The following KCND2 variants were observed in gnomAD, a reference collection of about 807,000 sequenced individuals.
KCND2 encodes the protein A-type voltage-gated potassium channel KCND2.
Under a neutral mutation model 54.4 loss-of-function variants are expected in KCND2, and 16 were observed. That is an observed-to-expected ratio of 0.29 (90% CI 0.20 to 0.45). KCND2 has a LOEUF of 0.45. Among genes scored for constraint, KCND2 ranks in the 20% least tolerant of loss-of-function variants. The pLI, the probability that KCND2 is intolerant of heterozygous loss-of-function variation, is 1.00. For missense variants in KCND2, 486 were observed against 824.2 expected, an observed-to-expected ratio of 0.59 and a Z score of 5.02; for synonymous variants, 317 against 310.7, an observed-to-expected ratio of 1.02 and a Z score of -0.21.
At chr7:120,718,273 C>T (rs1253667888) in intron 1 of KCND2, among the ~76,000 whole-genome samples, 1 of 152,142 alleles carries the variant, frequency 6.6e-6, no homozygotes, top group Non-Finnish European at 1.5e-5. Context: ...TTAACCTTTC[C>T]AAAGTGAGTT....
intron 1 of KCND2, among the ~76,000 whole-genome samples, chr7:120,304,581 A>G (rs1193487757): frequency 1.3e-5 from 2 of 152,200 alleles, no homozygotes; most frequent in African/African-American, 4.8e-5. Flanking sequence ...TCTTCGTTTT[A>G]ACGTGTACTC....
intron 1 of KCND2, among the ~76,000 whole-genome samples, chr7:120,315,807 TGTGTGTGTG>T (rs1799804413): frequency 1.1e-5 from 1 of 92,722 alleles, no homozygotes; most frequent in South Asian, 4.6e-4. Context: ...TGTGTGTGTG[TGTGTGTGTG>T]TAATATTTGA....
In KCND2 at chr7:120,740,789, G is replaced by A. The variant is rs138755440; in HGVS notation, c.1279-745G>A. The A allele has an allele frequency of 1.5e-3, 676 of 452,072 alleles. 3 individuals carry two copies. The highest frequency in any genetic ancestry group is 0.013 in the African/African-American group (653 of 49,814). The allele number at this position is 452,072 out of a possible 1,614,324, so 28.0% of individuals were successfully genotyped here. A position where few individuals can be genotyped will look rare whatever the true frequency, so the allele number is the denominator to read the frequency against. ...AACAATGTTTAAATCTCTCTGGATA[G>A]GCTTACTATGTTCTTCATTTCAGCC... On this transcript the variant is annotated intron_variant, in intron 2 of 5. Transcript: ENST00000331113.
intron 1 of KCND2, among the ~76,000 whole-genome samples, chr7:120,441,201 A>C (rs1022385403): frequency 6.6e-6 from 1 of 152,076 alleles, no homozygotes; most frequent in African/African-American, 2.4e-5. Flanking sequence ...TTGCATCCTG[A>C]ATTTTTCTTT....
chr7:120,419,336 C>T (rs1260853440), intron 1 of KCND2, among the ~76,000 whole-genome samples: 1 of 151,990 alleles, frequency 6.6e-6, no homozygotes. Flanking sequence ...ATTGCTTTTG[C>T]ATTTAAAAAA....
At chr7:120,422,628 T>C (rs1025370716) in intron 1 of KCND2, among the ~76,000 whole-genome samples, 6 of 152,190 alleles carry the variant, frequency 3.9e-5, no homozygotes, top group African/African-American at 1.4e-4. Flanking sequence ...ACTCTACCTC[T>C]TCTTTCACAG....
intron 1 of KCND2, among the ~76,000 whole-genome samples, chr7:120,331,840 T>A (rs890715417): frequency 4.6e-5 from 7 of 152,118 alleles, no homozygotes; most frequent in Non-Finnish European, 7.4e-5. Context: ...TGCTGCATAT[T>A]GTGTCATATC....
chr7:120,340,738 C>T (rs573142031), intron 1 of KCND2, among the ~76,000 whole-genome samples: 4 of 152,136 alleles, frequency 2.6e-5, no homozygotes, highest in Middle Eastern at 3.4e-3. Flanking sequence ...AGAGGAAACA[C>T]CTGATTGGAA....
intron 1 of KCND2, among the ~76,000 whole-genome samples, chr7:120,445,068 C>G (rs1192197289): frequency 6.6e-6 from 1 of 152,052 alleles, no homozygotes; most frequent in Non-Finnish European, 1.5e-5. Flanking sequence ...ATGGTACTTA[C>G]AGTAAAATTG....
chr7:120,538,068 G>C (rs1394441802), intron 1 of KCND2, among the ~76,000 whole-genome samples: 1 of 152,150 alleles, frequency 6.6e-6, no homozygotes, highest in Non-Finnish European at 1.5e-5. Context: ...TCACTAAGCG[G>C]AATCATTTCT....
intron 1 of KCND2, among the ~76,000 whole-genome samples, chr7:120,588,279 T>G (rs1792625463): frequency 6.6e-6 from 1 of 152,172 alleles, no homozygotes; most frequent in African/African-American, 2.4e-5. Context: ...TTAACTGATA[T>G]TTTGTAATCC....
At chr7:120,575,290 G>T (rs1005192957) in intron 1 of KCND2, among the ~76,000 whole-genome samples, 3 of 152,122 alleles carry the variant, frequency 2.0e-5, no homozygotes, top group Non-Finnish European at 2.9e-5. Context: ...AAGCCTAAGA[G>T]CCCCTGGCAA....
At chr7:120,511,608 A>G (rs1413311405) in intron 1 of KCND2, among the ~76,000 whole-genome samples, 1 of 152,158 alleles carries the variant, frequency 6.6e-6, no homozygotes, top group Non-Finnish European at 1.5e-5. Flanking sequence ...GTAAATTGTT[A>G]CTTTGTCATT....
chr7:120,456,310 G>A (rs1311162218), intron 1 of KCND2, among the ~76,000 whole-genome samples: 1 of 152,150 alleles, frequency 6.6e-6, no homozygotes, highest in African/African-American at 2.4e-5. Context: ...TCTCTACCAT[G>A]AACCCATCTC....
intron 1 of KCND2, among the ~76,000 whole-genome samples, chr7:120,316,606 A>T (rs907284196): frequency 1.3e-5 from 2 of 152,196 alleles, no homozygotes; most frequent in South Asian, 2.1e-4. Context: ...CACTCATGTA[A>T]ATTTTAGGTT....
chr7:120,297,590 G>A (rs1198538783), intron 1 of KCND2, among the ~76,000 whole-genome samples: 3 of 151,954 alleles, frequency 2.0e-5, no homozygotes, highest in African/African-American at 7.2e-5. Flanking sequence ...ATTGCTAGAT[G>A]GAATGGCAGT....
intron 1 of KCND2, among the ~76,000 whole-genome samples, chr7:120,602,228 A>G (rs1045196381): frequency 1.3e-5 from 2 of 152,226 alleles, no homozygotes; most frequent in Non-Finnish European, 2.9e-5. Context: ...TGAGTATTAA[A>G]TGGGTTATTA....
At chr7:120,542,339 A>G (rs1249991035) in intron 1 of KCND2, among the ~76,000 whole-genome samples, 1 of 152,198 alleles carries the variant, frequency 6.6e-6, no homozygotes, top group Non-Finnish European at 1.5e-5. Flanking sequence ...AAACAATCAC[A>G]CTTGACACTA....
intron 1 of KCND2, among the ~76,000 whole-genome samples, chr7:120,445,359 C>A (rs962747180): frequency 1.3e-5 from 2 of 152,072 alleles, no homozygotes; most frequent in Non-Finnish European, 2.9e-5. Flanking sequence ...GTAATGAATA[C>A]ATGGATTCTG....
Sources: allele counts gnomAD v4.1 joint callset (sites outside exome capture counted in the v4.1 genomes callset), GRCh38; gene constraint gnomAD v4.1.1; transcripts MANE v1.5; gene names NCBI Gene and HGNC (gene_info 2026-07-23, HGNC 2026-07-21).